WFDC2: variants seen among roughly 807,000 people sequenced by gnomAD.
WFDC2 encodes WAP four-disulfide core domain protein 2.
A neutral mutation model predicts 12.5 loss-of-function variants in WFDC2; 8 were observed. The ratio of observed to expected loss-of-function variants is 0.64; its 90% confidence interval spans 0.37 to 1.15. The LOEUF (loss-of-function observed/expected upper bound fraction) is 1.15. Among genes scored for constraint, WFDC2 ranks in the 50% most tolerant of loss-of-function variants. The pLI, the probability that WFDC2 is intolerant of heterozygous loss-of-function variation, is 0.01. For missense variants in WFDC2, 166 were observed against 159.9 expected, an observed-to-expected ratio of 1.04 and a Z score of -0.21; for synonymous variants, 74 against 67.2, an observed-to-expected ratio of 1.10 and a Z score of -0.49.
rs1351287031 is a variant in WFDC2, at chr20:45,481,431, G to C, written c.*62G>C. 1.3e-5 allele frequency: 2 copies of C among 152,546 alleles called. No individual in the cohort carries two copies. The highest frequency in any genetic ancestry group is 4.8e-5 in the African/African-American group (2 of 41,588). 9.4% of individuals were successfully genotyped at this position (152,546 alleles called of 1,614,324 possible). A position where few individuals can be genotyped will look rare whatever the true frequency, so the allele number is the denominator to read the frequency against. On this transcript the variant is annotated 3_prime_UTR_variant, in exon 4 of 4. Transcript: ENST00000372676. ...AAGTTTCTGCCTGGCCCTGCATCTG[G>C]TTCCAGCCCACCTGCCCTCCCCTTT...
Position 45,479,971 on chromosome 20 carries a change from A to C in WFDC2, c.253A>C (p.Ile85Leu), listed in dbSNP as rs749168917. Residue 85 changes from isoleucine to leucine, a missense_variant, in exon 3 of 4, where the codon ATT becomes CTT. Transcript: ENST00000372676. The stretch of plus-strand genomic sequence containing the variant: ...GGAGGGTTCCTGCCCCCAGGTGAAC[A>C]TTAACTTTCCCCAGCTCGGCCTCTG... ...DKEGSCPQVN[I>L]NFPQLGLCRD... The C allele has an allele frequency of 1.9e-6, 3 of 1,614,108 alleles. No individual in the cohort carries two copies. The highest frequency in any genetic ancestry group is 1.3e-5 in the African/African-American group (1 of 74,938).
intron 2 of WFDC2, among the ~76,000 whole-genome samples, chr20:45,476,542 A>C (rs1396615240): frequency 6.6e-6 from 1 of 152,244 alleles, no homozygotes; most frequent in African/African-American, 2.4e-5. Flanking sequence ...AGAGATCTGC[A>C]GTTAGTCTGA....
chr20:45,473,946 T>C (rs1877229612), intron 2 of WFDC2, among the ~76,000 whole-genome samples: 1 of 152,196 alleles, frequency 6.6e-6, no homozygotes, highest in African/African-American at 2.4e-5. Flanking sequence ...TTTGTAGCAA[T>C]TGTGAATGGG....
intron 2 of WFDC2, among the ~76,000 whole-genome samples, chr20:45,474,513 C>A (rs1991209389): frequency 6.6e-6 from 1 of 152,150 alleles, no homozygotes; most frequent in Non-Finnish European, 1.5e-5. Flanking sequence ...AGCCTTGCAT[C>A]CCAGGGACAA....
At chr20:45,469,970 G>A (rs1991145456) in intron 1 of WFDC2, 110 bp downstream of exon 1, 11 of 1,377,198 alleles carry the variant, frequency 8.0e-6, no homozygotes, top group South Asian at 6.6e-5. Flanking sequence ...GGAATTCCGG[G>A]GGCGGAAGTG....
intron 2 of WFDC2, among the ~76,000 whole-genome samples, chr20:45,472,238 A>C (rs1991181589): frequency 6.6e-6 from 1 of 152,150 alleles, no homozygotes; most frequent in Admixed American, 6.5e-5. Context: ...CATCTACATT[A>C]GGTGTTTCTC....
intron 2 of WFDC2, among the ~76,000 whole-genome samples, chr20:45,476,890 C>T (rs1248603232): frequency 6.6e-6 from 1 of 151,856 alleles, no homozygotes; most frequent in Non-Finnish European, 1.5e-5. Flanking sequence ...ATTATTTTTT[C>T]TCTAATCTCA....
chr20:45,474,296 TATG>T (rs1991207032), intron 2 of WFDC2, among the ~76,000 whole-genome samples: 1 of 152,250 alleles, frequency 6.6e-6, no homozygotes, highest in African/African-American at 2.4e-5. Context: ...GCCCATTCAG[TATG>T]ATATTGGCTG....
chr20:45,471,275 C>G (rs1433597658), intron 2 of WFDC2: 2 of 434,122 alleles, frequency 4.6e-6, no homozygotes, highest in Non-Finnish European at 9.9e-6. Flanking sequence ...TGGGGACTCT[C>G]TCAAAGGTGC....
rs1274670896 is a variant in WFDC2, at chr20:45,470,138, C to T, written c.80-251C>T. 6.6e-6 allele frequency among the ~76,000 whole-genome samples: 1 copy of T among 152,116 alleles called. No homozygotes were observed. Among genetic ancestry groups the T allele is most frequent in the Admixed American group, 6.5e-5 (1 of 15,286 alleles). On this transcript the variant is annotated intron_variant, in intron 1 of 3. Coordinates refer to ENST00000372676, the MANE Select transcript of WFDC2 (RefSeq NM_006103.4). The surrounding 1 kb of genome is among the most constrained non-coding windows in gnomAD (Gnocchi z 5.4). ...TGCTCTGCCTCGACCTCGGAAGCTC[C>T]GAGACGCTCAGCTGTGCGGCGTCCC... is the stretch of plus-strand genomic sequence containing the variant.
At position 45,469,774 on chromosome 20, in the gene WFDC2, A is replaced by G. The variant is rs745869262; in HGVS notation, c.-8A>G. 8.8e-6 allele frequency: 13 copies of G among 1,479,256 alleles called. No homozygotes were observed. Among genetic ancestry groups the G allele is most frequent in the Non-Finnish European group, 1.2e-5 (13 of 1,097,828 alleles). The allele number at this position is 1,479,256 out of a possible 1,614,324, so 91.6% of individuals were successfully genotyped here. The stretch of plus-strand genomic sequence containing the variant: ...GCTCACACCTGCACCCCGCCCGGGC[A>G]TAGCACCATGCCTGCTTGTCGCCTA... On this transcript the variant is annotated 5_prime_UTR_variant, in exon 1 of 4. Coordinates refer to ENST00000372676, the MANE Select transcript of WFDC2 (RefSeq NM_006103.4).
At chr20:45,471,160 G>A (rs1247213571) in intron 2 of WFDC2, 2 of 471,298 alleles carry the variant, frequency 4.2e-6, no homozygotes, top group South Asian at 3.1e-5. Context: ...CAGGCCAACT[G>A]GCTGAGTGAT....
At position 45,470,948 on chromosome 20, in the gene WFDC2, A is replaced by G. The variant is rs1991164287; in HGVS notation, c.223+416A>G. The stretch of plus-strand genomic sequence containing the variant: ...CTGGGGGCCTCCCCCAGCCCTGGGG[A>G]AAGACTGGGAGAGCCTGGCCTGGCA... On this transcript the variant is annotated intron_variant, in intron 2 of 3. Transcript: ENST00000372676. The surrounding 1 kb of genome is among the most constrained non-coding windows in gnomAD (Gnocchi z 5.4). Among the ~76,000 whole-genome samples the G allele has an allele frequency of 6.6e-6, 1 of 152,150 alleles. No individual in the cohort carries two copies. Among genetic ancestry groups the G allele is most frequent in the Non-Finnish European group, 1.5e-5 (1 of 68,014 alleles).
At position 45,479,547 on chromosome 20, in the gene WFDC2, A is replaced by G. The variant is rs573271078; in HGVS notation, c.224-395A>G. ...GAGCTAATTAAGTGTTCACTGTTAT[A>G]ATTTCTCATAACTACAGAGTAGTTT... On this transcript the variant is annotated intron_variant, in intron 2 of 3. Transcript: ENST00000372676. 664 of 932,134 alleles carry G rather than the reference A, an allele frequency of 7.1e-4. 2 individuals carry two copies. The highest frequency in any genetic ancestry group is 1.1e-3 in the Non-Finnish European group (618 of 579,340). The allele number at this position is 932,134 out of a possible 1,614,324, so 57.7% of individuals were successfully genotyped here. A position where few individuals can be genotyped will look rare whatever the true frequency, so the allele number is the denominator to read the frequency against.
At chr20:45,473,799 T>G (rs1190884141) in intron 2 of WFDC2, among the ~76,000 whole-genome samples, 1 of 152,182 alleles carries the variant, frequency 6.6e-6, no homozygotes, top group Non-Finnish European at 1.5e-5. Flanking sequence ...ACGATATTGA[T>G]TCTTCTTATC....
intron 2 of WFDC2, chr20:45,471,271 C>A: frequency 2.3e-6 from 1 of 442,656 alleles, no homozygotes; most frequent in Non-Finnish European, 4.8e-6. Flanking sequence ...GAGCTGGGGA[C>A]TCTCTCAAAG....
Position 45,470,420 on chromosome 20 carries a change from C to G in WFDC2, c.111C>G (p.Pro37=), listed in dbSNP as rs772425031. ...GTGAEKTGVC[P]ELQADQNCTQ... ...GAGCAGAGAAGACTGGCGTGTGCCCCGAGCTCCAGGCTGACCAGAACTGCA... is the reference window on the plus strand; with the variant it reads ...GAGCAGAGAAGACTGGCGTGTGCCCGGAGCTCCAGGCTGACCAGAACTGCA... Residue 37 remains proline, a synonymous_variant, in exon 2 of 4, where the codon CCC becomes CCG. Coordinates refer to ENST00000372676, the MANE Select transcript of WFDC2 (RefSeq NM_006103.4). This position sits in a 1 kb window ranked among gnomAD's most constrained non-coding sequence, Gnocchi z 5.4. 2 of 1,591,398 alleles carry G rather than the reference C, an allele frequency of 1.3e-6. No individual in the cohort carries two copies. Among genetic ancestry groups the G allele is most frequent in the Admixed American group, 3.5e-5 (2 of 57,638 alleles).
At chr20:45,476,955 C>T (rs1201892329) in intron 2 of WFDC2, among the ~76,000 whole-genome samples, 1 of 151,248 alleles carries the variant, frequency 6.6e-6, no homozygotes, top group Admixed American at 6.6e-5. Context: ...CCTTCTTCTG[C>T]TTGATCAATT....
At chr20:45,476,273 T>G (rs1175839152) in intron 2 of WFDC2, among the ~76,000 whole-genome samples, 1 of 152,236 alleles carries the variant, frequency 6.6e-6, no homozygotes, top group Non-Finnish European at 1.5e-5. Context: ...ATAGTGTCGA[T>G]GGTCTTTACA....
Sources: allele counts gnomAD v4.1 joint callset (sites outside exome capture counted in the v4.1 genomes callset), GRCh38; gene constraint gnomAD v4.1.1; non-coding constraint Gnocchi (gnomAD v3.1); transcripts MANE v1.5; gene names NCBI Gene and HGNC (gene_info 2026-07-23, HGNC 2026-07-21).